Variants in PDE4D observed in about 807,000 individuals in gnomAD.
PDE4D encodes the protein phosphodiesterase 4D.
PDE4D carries 24 observed loss-of-function variants against 87.4 expected under a neutral mutation model. That is an observed-to-expected ratio of 0.27 (90% CI 0.20 to 0.39). The LOEUF (loss-of-function observed/expected upper bound fraction) is 0.39, where lower values mean the gene tolerates loss of function less well. PDE4D is among the 10% of genes least tolerant of loss of function. The probability of loss-of-function intolerance (pLI) is 1.00; values close to 1 mark genes in which losing one functional copy is unlikely to be tolerated. For missense variants in PDE4D, 714 were observed against 1,041.0 expected (o/e 0.69, Z 4.32); for synonymous variants, 384 against 383.2 (o/e 1.00, Z -0.02).
chr5:59,256,667 T>C (rs1350820462), intron 1 of PDE4D, among the ~76,000 whole-genome samples: 1 of 152,042 alleles, frequency 6.6e-6, no homozygotes, highest in Non-Finnish European at 1.5e-5. Context: ...GATGCATTCC[T>C]CCTTTTCCTT....
intron 1 of PDE4D, among the ~76,000 whole-genome samples, chr5:60,418,085 A>G (rs975152466): frequency 6.6e-6 from 1 of 152,196 alleles, no homozygotes; most frequent in African/African-American, 2.4e-5. Flanking sequence ...TTCCACAGGA[A>G]AACATTGATT....
intron 1 of PDE4D, among the ~76,000 whole-genome samples, chr5:59,258,086 T>C (rs1348580861): frequency 6.6e-6 from 1 of 152,040 alleles, no homozygotes; most frequent in African/African-American, 2.4e-5. Context: ...TCTTTTCCTT[T>C]TTAAGTGATT....
chr5:59,901,950 A>G, intron 3 of PDE4D, among the ~76,000 whole-genome samples: 1 of 150,532 alleles, frequency 6.6e-6, no homozygotes, highest in Non-Finnish European at 1.5e-5. Flanking sequence ...ACACACACAC[A>G]CACACACACA....
chr5:59,587,333 T>C, intron 1 of PDE4D: 1 of 565,530 alleles, frequency 1.8e-6, no homozygotes, highest in Non-Finnish European at 2.2e-6. Context: ...CTTTCTTTTC[T>C]TTTTTTTCCT....
At chr5:59,088,568 A>C (rs926984064) in intron 5 of PDE4D, among the ~76,000 whole-genome samples, 9 of 152,200 alleles carry the variant, frequency 5.9e-5, no homozygotes, top group Admixed American at 5.9e-4. Context: ...CAACAGTAGT[A>C]GACAGGATAA....
intron 1 of PDE4D, among the ~76,000 whole-genome samples, chr5:59,758,463 C>T (rs1271094564): frequency 1.3e-5 from 2 of 152,112 alleles, no homozygotes; most frequent in Non-Finnish European, 2.9e-5. Flanking sequence ...AGAATAAGTG[C>T]CTCATCTGAA....
intron 1 of PDE4D, among the ~76,000 whole-genome samples, chr5:60,416,808 A>C (rs1017752055): frequency 6.6e-6 from 1 of 152,234 alleles, no homozygotes; most frequent in African/African-American, 2.4e-5. Flanking sequence ...AGGTAAAAAC[A>C]GCTTGGGAAT....
At chr5:59,386,710 G>GGAGGGAGGGAGT (rs1787121581) in intron 1 of PDE4D, among the ~76,000 whole-genome samples, 1 of 108,558 alleles carries the variant, frequency 9.2e-6, no homozygotes, top group Non-Finnish European at 2.1e-5. Context: ...AGGGAGGGAG[G>GGAGGGAGGGAGT]GAGGGAAAGA....
chr5:59,754,093 G>A (rs547265129), intron 1 of PDE4D, among the ~76,000 whole-genome samples: 37 of 152,278 alleles, frequency 2.4e-4, no homozygotes, highest in African/African-American at 7.7e-4. Context: ...ACTTTGGGAG[G>A]CTGAGACAGG....
At chr5:59,117,116 T>C (rs576588708) in intron 5 of PDE4D, among the ~76,000 whole-genome samples, 6 of 152,322 alleles carry the variant, frequency 3.9e-5, no homozygotes, top group Admixed American at 6.5e-5. Context: ...GGCTTCACAG[T>C]GGCTTTACCC....
At chr5:59,062,035 C>T (rs1763205836) in intron 5 of PDE4D, among the ~76,000 whole-genome samples, 1 of 152,098 alleles carries the variant, frequency 6.6e-6, no homozygotes, top group Admixed American at 6.6e-5. Flanking sequence ...CACTCTGCTT[C>T]TCCACTGCTT....
chr5:60,132,067 C>T (rs145407180), intron 2 of PDE4D, among the ~76,000 whole-genome samples: 1 of 152,218 alleles, frequency 6.6e-6, no homozygotes, highest in Admixed American at 6.5e-5. Flanking sequence ...TATTGTTGTG[C>T]ATTATACAGA....
At chr5:59,019,756 C>T (rs1486274572) in intron 6 of PDE4D, among the ~76,000 whole-genome samples, 1 of 151,986 alleles carries the variant, frequency 6.6e-6, no homozygotes, top group African/African-American at 2.4e-5. Flanking sequence ...ATTGAATACT[C>T]GAACTCCTCT....
At chr5:60,199,984 A>G (rs1369276039) in intron 1 of PDE4D, among the ~76,000 whole-genome samples, 2 of 151,692 alleles carry the variant, frequency 1.3e-5, no homozygotes, top group Non-Finnish European at 3.0e-5. Context: ...CAGATACTTC[A>G]AAGTGGAGGC....
chr5:59,338,650 G>A (rs535106166), intron 1 of PDE4D, among the ~76,000 whole-genome samples: 3 of 152,256 alleles, frequency 2.0e-5, no homozygotes, highest in African/African-American at 7.2e-5. Flanking sequence ...CAAGATCATC[G>A]AAGTATGGTA....
intron 1 of PDE4D, among the ~76,000 whole-genome samples, chr5:60,211,041 C>T (rs889411559): frequency 1.3e-5 from 2 of 152,154 alleles, no homozygotes; most frequent in South Asian, 4.1e-4. Context: ...GCGACAGGAG[C>T]CGGCCAAGCC....
intron 1 of PDE4D, among the ~76,000 whole-genome samples, chr5:59,595,466 C>G (rs1175709683): frequency 3.3e-5 from 5 of 152,134 alleles, no homozygotes; most frequent in Admixed American, 2.6e-4. Context: ...TCCTCCCCTC[C>G]AGGAATAGTG....
intron 1 of PDE4D, among the ~76,000 whole-genome samples, chr5:60,290,191 T>G (rs1416961748): frequency 6.6e-6 from 1 of 152,098 alleles, no homozygotes; most frequent in African/African-American, 2.4e-5. Flanking sequence ...GGGGATGGGT[T>G]GAGAAGAGGT....
intron 1 of PDE4D, among the ~76,000 whole-genome samples, chr5:59,749,900 T>C (rs556528836): frequency 6.6e-6 from 1 of 152,150 alleles, no homozygotes; most frequent in East Asian, 1.9e-4. Context: ...AAACTCCTGA[T>C]CCACCTCCCC....
Sources: gnomAD v4.1 joint callset for allele counts (sites outside exome capture counted in the v4.1 genomes callset) on GRCh38, gnomAD v4.1.1 for gene constraint, MANE v1.5 for transcripts, NCBI Gene and HGNC (gene_info 2026-07-23, HGNC 2026-07-21) for gene names.